The following TAFA1 variants were observed in gnomAD, a reference collection of about 807,000 sequenced individuals.
TAFA1 encodes the protein chemokine-like protein TAFA-1.
Under a neutral mutation model 18.5 loss-of-function variants are expected in TAFA1, and 4 were observed. The observed-to-expected ratio is 0.22, with a 90% CI of 0.11 to 0.49. The LOEUF is 0.49. Among genes scored for constraint, TAFA1 ranks in the 20% least tolerant of loss-of-function variants. The pLI, the probability that TAFA1 is intolerant of heterozygous loss-of-function variation, is 0.98. For synonymous variants in TAFA1, 56 were observed against 55.2 expected (o/e 1.01, Z -0.06); for missense variants, 147 against 169.0 (o/e 0.87, Z 0.72).
At chr3:68,311,238 C>T (rs1209016577) in intron 2 of TAFA1, among the ~76,000 whole-genome samples, 1 of 152,118 alleles carries the variant, frequency 6.6e-6, no homozygotes, top group Non-Finnish European at 1.5e-5. Context: ...ATTATGGGAG[C>T]TACAAGATGA....
At chr3:68,459,140 G>A (rs1298261680) in intron 3 of TAFA1, among the ~76,000 whole-genome samples, 1 of 152,134 alleles carries the variant, frequency 6.6e-6, no homozygotes, top group Non-Finnish European at 1.5e-5. Flanking sequence ...TCCCTGGGAG[G>A]GGGGTACCAT....
chr3:68,445,818 C>T (rs1359060940), intron 3 of TAFA1, among the ~76,000 whole-genome samples: 1 of 152,108 alleles, frequency 6.6e-6, no homozygotes, highest in Non-Finnish European at 1.5e-5. Flanking sequence ...TTCTGAGAAC[C>T]ACAGCCTAAA....
chr3:68,477,634 G>A (rs1276870360), intron 3 of TAFA1, among the ~76,000 whole-genome samples: 1 of 152,054 alleles, frequency 6.6e-6, no homozygotes, highest in Non-Finnish European at 1.5e-5. Flanking sequence ...GCCCACCTTA[G>A]CCTCCCAAAG....
At chr3:68,516,607 C>G (rs1158301237) in intron 3 of TAFA1, among the ~76,000 whole-genome samples, 1 of 152,104 alleles carries the variant, frequency 6.6e-6, no homozygotes, top group Non-Finnish European at 1.5e-5. Context: ...AAGGAGAGCA[C>G]TGGTTCTTTC....
intron 2 of TAFA1, among the ~76,000 whole-genome samples, chr3:68,380,984 A>G (rs1260479952): frequency 1.3e-5 from 2 of 148,752 alleles, no homozygotes; most frequent in African/African-American, 2.5e-5. Flanking sequence ...AGCTTTCTAC[A>G]TATGGCTAGC....
At chr3:67,995,998 T>C in the TAFA1 span, among the ~76,000 whole-genome samples, 1 of 152,242 alleles carries the variant, frequency 6.6e-6, no homozygotes, top group Non-Finnish European at 1.5e-5. Flanking sequence ...GCACCTACTA[T>C]GTGCCAGGTA....
intron 3 of TAFA1, among the ~76,000 whole-genome samples, chr3:68,531,590 C>A (rs2073189239): frequency 6.6e-6 from 1 of 152,032 alleles, no homozygotes; most frequent in South Asian, 2.1e-4. Context: ...GTTGAGTGTT[C>A]CTAGAGGAAG....
At chr3:68,253,034 T>A (rs1156526453) in intron 2 of TAFA1, among the ~76,000 whole-genome samples, 2 of 152,132 alleles carry the variant, frequency 1.3e-5, no homozygotes, top group Non-Finnish European at 2.9e-5. Context: ...TCCCCAGCCA[T>A]GTGGAACTGT....
chr3:68,090,021 G>T (rs1211072421), intron 2 of TAFA1, among the ~76,000 whole-genome samples: 1 of 152,104 alleles, frequency 6.6e-6, no homozygotes, highest in Admixed American at 6.6e-5. Context: ...TTGCAGTTGA[G>T]GTTAGCAGCT....
chr3:68,427,181 T>C (rs1483706394), intron 3 of TAFA1, among the ~76,000 whole-genome samples: 5 of 151,856 alleles, frequency 3.3e-5, no homozygotes, highest in Non-Finnish European at 7.4e-5. Flanking sequence ...CCCCAAGTCA[T>C]TGGTTTTCAT....
At chr3:68,322,480 G>A (rs926204571) in intron 2 of TAFA1, among the ~76,000 whole-genome samples, 8 of 152,102 alleles carry the variant, frequency 5.3e-5, no homozygotes, top group Admixed American at 3.3e-4. Context: ...TTTATTAGGA[G>A]ACCCAGTTTT....
At chr3:68,342,806 A>G (rs1336232345) in intron 2 of TAFA1, among the ~76,000 whole-genome samples, 1 of 152,222 alleles carries the variant, frequency 6.6e-6, no homozygotes, top group Non-Finnish European at 1.5e-5. Context: ...GTTAGGCGTC[A>G]CAAAGGCCCA....
intron 2 of TAFA1, among the ~76,000 whole-genome samples, chr3:68,299,557 A>C (rs1320578638): frequency 6.6e-6 from 1 of 152,246 alleles, no homozygotes; most frequent in African/African-American, 2.4e-5. Flanking sequence ...CTGAGGAGAA[A>C]TTCAAGCTGG....
At chr3:68,148,976 A>G (rs184537932) in intron 2 of TAFA1, among the ~76,000 whole-genome samples, 3 of 152,282 alleles carry the variant, frequency 2.0e-5, no homozygotes, top group East Asian at 3.9e-4. Context: ...ATGATTAGCA[A>G]TATTATTTTA....
chr3:68,398,482 A>G (rs929548643), intron 2 of TAFA1, among the ~76,000 whole-genome samples: 1 of 152,054 alleles, frequency 6.6e-6, no homozygotes, highest in Non-Finnish European at 1.5e-5. Context: ...AGGATCTTCC[A>G]TTTTCACAAA....
chr3:68,024,942 A>C (rs1262970054), intron 2 of TAFA1, among the ~76,000 whole-genome samples: 1 of 152,156 alleles, frequency 6.6e-6, no homozygotes, highest in Non-Finnish European at 1.5e-5. Flanking sequence ...ATTTGCCTCA[A>C]AACCTCCTCT....
intron 2 of TAFA1, among the ~76,000 whole-genome samples, chr3:68,186,107 C>T (rs116118875): frequency 0.018 from 2,736 of 152,126 alleles, 89 homozygotes; most frequent in African/African-American, 0.062. Flanking sequence ...GGAAAAACAA[C>T]TTTCTCATTG....
intron 3 of TAFA1, among the ~76,000 whole-genome samples, chr3:68,483,745 G>A (rs1399969024): frequency 2.0e-5 from 3 of 152,204 alleles, no homozygotes; most frequent in African/African-American, 7.2e-5. Context: ...GAAGCCTTCA[G>A]AGCAGAGGGA....
At chr3:68,401,929 C>T (rs1482241868) in intron 2 of TAFA1, among the ~76,000 whole-genome samples, 1 of 152,168 alleles carries the variant, frequency 6.6e-6, no homozygotes, top group Non-Finnish European at 1.5e-5. Context: ...GTGTCTGCTA[C>T]AGAGTAGAAA....
Sources: gnomAD v4.1 joint callset for allele counts (sites outside exome capture counted in the v4.1 genomes callset) on GRCh38, gnomAD v4.1.1 for gene constraint, MANE v1.5 for transcripts, NCBI Gene and HGNC (gene_info 2026-07-23, HGNC 2026-07-21) for gene names.